Variants in PPP4R4 observed in about 807,000 individuals in gnomAD.
PPP4R4 encodes protein phosphatase 4 regulatory subunit 4.
Under a neutral mutation model 121.8 loss-of-function variants are expected in PPP4R4, and 70 were observed. The ratio of observed to expected loss-of-function variants is 0.57; its 90% CI spans 0.47 to 0.70. PPP4R4 has a LOEUF of 0.70. PPP4R4 is among the 30% of genes least tolerant of loss of function. The probability of loss-of-function intolerance (pLI) is 0.00; values close to 1 mark genes in which losing one functional copy is unlikely to be tolerated. For synonymous variants in PPP4R4, 348 were observed against 355.7 expected (o/e 0.98, Z 0.24); for missense variants, 875 against 1,033.6 (o/e 0.85, Z 2.10).
intron 1 of PPP4R4, among the ~76,000 whole-genome samples, chr14:94,174,997 C>T (rs906372591): frequency 2.0e-5 from 3 of 147,362 alleles, no homozygotes; most frequent in Non-Finnish European, 4.5e-5. Context: ...AAGGAGCTGC[C>T]CCTCGAGGCC....
intron 6 of PPP4R4, among the ~76,000 whole-genome samples, chr14:94,234,096 A>G (rs1892199199): frequency 6.6e-6 from 1 of 152,132 alleles, no homozygotes; most frequent in Admixed American, 6.5e-5. Context: ...GCTTTTTTAC[A>G]CTGTTGTTAT....
At chr14:94,240,918 T>TA (rs1406222798) in intron 9 of PPP4R4, 123 bp downstream of exon 9, 1 of 1,206,574 alleles carries the variant, frequency 8.3e-7, no homozygotes, top group African/African-American at 1.6e-5. Context: ...ATAAAAATCT[T>TA]ATGAGATCTT....
intron 13 of PPP4R4, among the ~76,000 whole-genome samples, chr14:94,246,023 G>A (rs1321846274): frequency 1.3e-5 from 2 of 152,058 alleles, no homozygotes; most frequent in African/African-American, 2.4e-5. Flanking sequence ...TAAGAAAAGG[G>A]TAGGATTTAG....
intron 11 of PPP4R4, among the ~76,000 whole-genome samples, chr14:94,242,791 A>G (rs973744964): frequency 6.6e-6 from 1 of 152,184 alleles, no homozygotes; most frequent in Non-Finnish European, 1.5e-5. Context: ...ATTGAGACAC[A>G]TTAATTATTT....
chr14:94,237,736 T>A (rs1225873196), intron 8 of PPP4R4, 50 bp downstream of exon 8: 1 of 1,574,462 alleles, frequency 6.4e-7, no homozygotes, highest in Non-Finnish European at 8.7e-7. Context: ...TTTTTCTACA[T>A]GTTTTATGTC....
intron 3 of PPP4R4, among the ~76,000 whole-genome samples, chr14:94,209,605 C>A (rs182612909): frequency 8.9e-4 from 135 of 152,068 alleles, no homozygotes; most frequent in South Asian, 2.1e-3. Flanking sequence ...TTTTTTATAT[C>A]TGTTTTTCCC....
chr14:94,254,340 T>A (rs1893351193), intron 16 of PPP4R4, among the ~76,000 whole-genome samples: 1 of 152,210 alleles, frequency 6.6e-6, no homozygotes, highest in Admixed American at 6.5e-5. Context: ...AATGTCAAGC[T>A]GGAAAAAGAC....
chr14:94,232,408 T>TTA (rs1892085729), intron 5 of PPP4R4, among the ~76,000 whole-genome samples: 1 of 152,216 alleles, frequency 6.6e-6, no homozygotes, highest in Non-Finnish European at 1.5e-5. Context: ...GATTTTCTAG[T>TTA]TATAAGGATG....
chr14:94,253,191 C>T (rs1893282369), intron 16 of PPP4R4, among the ~76,000 whole-genome samples: 1 of 152,210 alleles, frequency 6.6e-6, no homozygotes, highest in African/African-American at 2.4e-5. Flanking sequence ...GGCGTCATGG[C>T]TCATGCCTGT....
intron 2 of PPP4R4, among the ~76,000 whole-genome samples, chr14:94,181,228 G>T (rs1160218038): frequency 6.6e-6 from 1 of 152,082 alleles, no homozygotes; most frequent in East Asian, 1.9e-4. Flanking sequence ...TTGTGTGTGT[G>T]TGTATGTGTG....
At chr14:94,233,281 A>G (rs1779119499) in intron 5 of PPP4R4, among the ~76,000 whole-genome samples, 1 of 152,202 alleles carries the variant, frequency 6.6e-6, no homozygotes, top group African/African-American at 2.4e-5. Flanking sequence ...TCCCATTAGG[A>G]TACATATAAA....
In PPP4R4 at chr14:94,266,039, A is replaced by G. The variant is rs921941652; in HGVS notation, c.2378+152A>G. 18 of 515,948 alleles carry G rather than the reference A, an allele frequency of 3.5e-5. No homozygotes were observed. The East Asian group carries it at 6.2e-4, about 18-fold the overall frequency. 32.0% of individuals were successfully genotyped at this position (515,948 alleles called of 1,614,324 possible). On this transcript the variant is annotated intron_variant, in intron 22 of 24. Transcript: ENST00000304338. ...TGAGTGTTCTTCTGTAGGGATTGTT[A>G]TATTTAAAAATAAGAGACCTCCAAC...
chr14:94,230,328 T>C (rs1327371910), intron 3 of PPP4R4, among the ~76,000 whole-genome samples: 2 of 152,234 alleles, frequency 1.3e-5, no homozygotes, highest in African/African-American at 4.8e-5. Flanking sequence ...ATGTACTGTT[T>C]ATAATTTTTA....
chr14:94,247,198 A>C (rs1414380700), intron 14 of PPP4R4, among the ~76,000 whole-genome samples: 1 of 152,242 alleles, frequency 6.6e-6, no homozygotes, highest in Non-Finnish European at 1.5e-5. Context: ...TTCACTGTAC[A>C]TTTAACATGA....
At chr14:94,230,272 G>T (rs1891943838) in intron 3 of PPP4R4, among the ~76,000 whole-genome samples, 4 of 152,168 alleles carry the variant, frequency 2.6e-5, no homozygotes, top group Admixed American at 2.6e-4. Context: ...CAGGAAAACA[G>T]AAATTAAAAC....
At chr14:94,233,885 C>A (rs543859005) in intron 6 of PPP4R4, 126 bp downstream of exon 6, 1 of 659,876 alleles carries the variant, frequency 1.5e-6, no homozygotes, top group Non-Finnish European at 2.6e-6. Context: ...ACTATTTTAA[C>A]TTTATGGAAT....
chr14:94,246,290 G>C (rs1595520570), intron 13 of PPP4R4, 67 bp from the exon 14 acceptor site: 1 of 1,377,448 alleles, frequency 7.3e-7, no homozygotes, highest in Non-Finnish European at 9.9e-7. Flanking sequence ...TGTGTTATAA[G>C]ACTGAGTAAT....
rs1890692215 is a variant in PPP4R4, at chr14:94,210,598, C to T, written c.294+2032C>T. Among the ~76,000 whole-genome samples, 8 of 152,180 alleles carry T rather than the reference C, an allele frequency of 5.3e-5. No individual in the cohort carries two copies. The South Asian group carries it at 1.7e-3, about 32-fold the overall frequency. ...CATGCAACCATTTATTTAGGACCAT[C>T]GTCTTGCTGTACTCCGTTTAAAAGA... is the stretch of plus-strand genomic sequence containing the variant. On this transcript the variant is annotated intron_variant, in intron 3 of 24. Coordinates refer to ENST00000304338, the MANE Select transcript of PPP4R4 (RefSeq NM_058237.2).
chr14:94,180,772 C>T (rs1888935802), intron 2 of PPP4R4, among the ~76,000 whole-genome samples: 1 of 151,994 alleles, frequency 6.6e-6, no homozygotes, highest in Non-Finnish European at 1.5e-5. Flanking sequence ...CACACCACCT[C>T]CACAGCCACT....
Sources: allele counts gnomAD v4.1 joint callset (sites outside exome capture counted in the v4.1 genomes callset), GRCh38; gene constraint gnomAD v4.1.1; transcripts MANE v1.5; gene names NCBI Gene and HGNC (gene_info 2026-07-23, HGNC 2026-07-21).